PREX1: variants seen among roughly 807,000 people sequenced by gnomAD.
PREX1 encodes the protein phosphatidylinositol 3,4,5-trisphosphate-dependent Rac exchanger 1 protein.
In PREX1, 41 loss-of-function variants were observed where a neutral mutation model predicts 198.3. The observed-to-expected ratio is 0.21, with a 90% CI of 0.16 to 0.27. The LOEUF is 0.27. Among genes scored for constraint, PREX1 ranks in the 10% least tolerant of loss-of-function variants. The pLI is 1.00. For missense variants in PREX1, 1,620 were observed against 2,200.7 expected (o/e 0.74, Z 5.28); for synonymous variants, 843 against 887.2 (o/e 0.95, Z 0.89).
intron 1 of PREX1, among the ~76,000 whole-genome samples, chr20:48,768,985 T>G (rs2090222133): frequency 2.0e-5 from 3 of 152,034 alleles, no homozygotes. Flanking sequence ...AAAAGGAGAT[T>G]GTCACCGTCC....
chr20:48,636,733 C>A, intron 31 of PREX1, 50 bp from the exon 32 acceptor site: 2 of 1,491,426 alleles, frequency 1.3e-6, no homozygotes, highest in Non-Finnish European at 9.0e-7. Flanking sequence ...CCCGTGCCAC[C>A]AGGAGGCCCA....
chr20:48,816,061 G>A (rs2090457976), intron 1 of PREX1, among the ~76,000 whole-genome samples: 1 of 151,710 alleles, frequency 6.6e-6, no homozygotes, highest in South Asian at 2.1e-4. Flanking sequence ...GAGATGCTGG[G>A]GGTCTGTGTA....
chr20:48,862,790 A>AAAATAT, the PREX1 span, among the ~76,000 whole-genome samples: 8,190 of 102,382 alleles, frequency 0.08, 440 homozygotes, highest in South Asian at 0.13. Context: ...TAAAAAAAAA[A>AAAATAT]ATATATATAT....
Position 48,651,418 on chromosome 20 carries a change from C to A in PREX1, c.2633G>T (p.Gly878Val). ...GACCTTGGCGGTGAGGCCGAAGCAG[C>A]CGCGGGGCTCCACGATCTTCTCCAG... The part of the protein sequence containing the change: ...HVLEKIVEPR[G>V]CFGLTAKILE... The change falls in exon 22 of 40, where the codon GGC becomes GTC. Residue 878 changes from glycine to valine, a missense_variant. By Grantham distance (109) the Gly-to-Val change is moderately radical. Around this residue, in one of 7 missense-constraint regions of PREX1, gnomAD observed 514 missense variants for 611.6 expected, o/e 0.84. Coordinates refer to ENST00000371941, the MANE Select transcript of PREX1 (RefSeq NM_020820.4). The A allele has an allele frequency of 6.2e-7, 1 of 1,609,400 alleles. No individual in the cohort carries two copies. Among genetic ancestry groups the A allele is most frequent in the Non-Finnish European group, 8.5e-7 (1 of 1,176,858 alleles).
Position 48,738,470 on chromosome 20 carries a change from C to T in PREX1, c.415-3820G>A, listed in dbSNP as rs550117241. ...CAGCACCGTGCCCAGTTCAATCACG[C>T]CTGTGTCCTTTCATCCAGCCTGACC... On this transcript the variant is annotated intron_variant, in intron 3 of 39. Coordinates refer to ENST00000371941, the MANE Select transcript of PREX1 (RefSeq NM_020820.4). Among the ~76,000 whole-genome samples, 68 of 152,344 alleles carry T rather than the reference C, an allele frequency of 4.5e-4. 1 individual carries two copies. Among genetic ancestry groups the T allele is most frequent in the African/African-American group, 1.6e-3 (67 of 41,574 alleles).
At chr20:48,823,423 G>A (rs1221615272) in intron 1 of PREX1, among the ~76,000 whole-genome samples, 2 of 152,198 alleles carry the variant, frequency 1.3e-5, no homozygotes, top group African/African-American at 4.8e-5. Flanking sequence ...CCACATCCCT[G>A]TGACGCAGGT....
chr20:48,689,343 A>T (rs2089804377), intron 9 of PREX1, among the ~76,000 whole-genome samples: 1 of 152,160 alleles, frequency 6.6e-6, no homozygotes, highest in Non-Finnish European at 1.5e-5. Flanking sequence ...CCAGTACGCC[A>T]CATGAGAAAC....
intron 1 of PREX1, among the ~76,000 whole-genome samples, chr20:48,826,039 TA>T (rs2090507291): frequency 6.6e-6 from 1 of 151,898 alleles, no homozygotes; most frequent in Non-Finnish European, 1.5e-5. Context: ...AGAAGGGCTC[TA>T]GTCTAAGGCT....
In PREX1 at chr20:48,679,504, G is replaced by A. The variant is rs116191925; in HGVS notation, c.1540-95C>T. ...TGGGAGAGATGGCTTCCAGGACGGG[G>A]CAGGGCAGGGTAATGGGGGCAGGGG... is the stretch of plus-strand genomic sequence containing the variant. On this transcript the variant is annotated intron_variant, in intron 12 of 39. Transcript: ENST00000371941. 3,945 of 1,441,990 alleles carry A rather than the reference G, an allele frequency of 2.7e-3. 91 individuals are homozygous for A. In the African/African-American group the frequency reaches 0.049, roughly 18 times the overall value. The allele number at this position is 1,441,990 out of a possible 1,614,324, so 89.3% of individuals were successfully genotyped here.
intron 31 of PREX1, among the ~76,000 whole-genome samples, chr20:48,636,905 G>C (rs2089369718): frequency 6.6e-6 from 1 of 152,212 alleles, no homozygotes; most frequent in South Asian, 2.1e-4. Flanking sequence ...TGTTCTCTCA[G>C]TGACTCATCT....
At chr20:48,712,985 G>A (rs1281895218) in intron 5 of PREX1, among the ~76,000 whole-genome samples, 3 of 152,134 alleles carry the variant, frequency 2.0e-5, no homozygotes, top group Non-Finnish European at 4.4e-5. Flanking sequence ...TTAGCCGGGC[G>A]TGGCGGCACG....
intron 1 of PREX1, among the ~76,000 whole-genome samples, chr20:48,759,093 T>C (rs1445817474): frequency 6.6e-6 from 1 of 152,068 alleles, no homozygotes; most frequent in Non-Finnish European, 1.5e-5. Context: ...TAAGAGTGGA[T>C]GAGGCTCAAA....
At chr20:48,879,023 C>T in the PREX1 span, among the ~76,000 whole-genome samples, 20,394 of 152,124 alleles carry the variant, frequency 0.13, 1,452 homozygotes, top group Non-Finnish European at 0.16. Flanking sequence ...AACTGAGTTC[C>T]GGTGACATCT....
At chr20:48,749,231 T>A (rs535450094) in intron 1 of PREX1, among the ~76,000 whole-genome samples, 1 of 152,134 alleles carries the variant, frequency 6.6e-6, no homozygotes, top group African/African-American at 2.4e-5. Flanking sequence ...AGCAGCCACA[T>A]GGAGACCCCT....
chr20:48,856,353 C>T, the PREX1 span, among the ~76,000 whole-genome samples: 23 of 152,202 alleles, frequency 1.5e-4, no homozygotes, highest in Admixed American at 5.9e-4. Context: ...CACTGGACGA[C>T]GCCCATGCCA....
chr20:48,657,649 C>T (rs2089555677), intron 17 of PREX1, among the ~76,000 whole-genome samples: 1 of 152,192 alleles, frequency 6.6e-6, no homozygotes, highest in South Asian at 2.1e-4. Context: ...TTCCTAATTG[C>T]CACAGGGGCA....
chr20:48,741,215 A>G (rs190083388), intron 3 of PREX1, among the ~76,000 whole-genome samples: 2 of 152,336 alleles, frequency 1.3e-5, no homozygotes, highest in Non-Finnish European at 2.9e-5. Context: ...ACTGAAGAAC[A>G]CTGGCTTAGC....
the PREX1 span, among the ~76,000 whole-genome samples, chr20:48,877,355 G>A: frequency 6.6e-6 from 1 of 152,052 alleles, no homozygotes; most frequent in African/African-American, 2.4e-5. Flanking sequence ...CTTCAGGCAT[G>A]GATAGATCTA....
intron 1 of PREX1, among the ~76,000 whole-genome samples, chr20:48,763,874 G>A (rs1203092308): frequency 2.0e-5 from 3 of 152,134 alleles, no homozygotes; most frequent in Admixed American, 6.5e-5. Context: ...AGTTTAGGGA[G>A]TGTCAACTAT....
Sources: allele counts gnomAD v4.1 joint callset (sites outside exome capture counted in the v4.1 genomes callset), GRCh38; gene constraint gnomAD v4.1.1; regional missense constraint gnomAD v4.1.1; transcripts MANE v1.5; gene names NCBI Gene and HGNC (gene_info 2026-07-23, HGNC 2026-07-21).